The following RAB6B variants were observed in gnomAD, a reference collection of about 807,000 sequenced individuals.
The protein encoded by RAB6B is ras-related protein Rab-6B.
Under a neutral mutation model 31.2 loss-of-function variants are expected in RAB6B, and 7 were observed. The observed-to-expected ratio is 0.22, with a 90% CI of 0.13 to 0.42. The LOEUF is 0.42. Among genes scored for constraint, RAB6B ranks in the 10% least tolerant of loss-of-function variants. RAB6B has a pLI of 1.00. For synonymous variants in RAB6B, 105 were observed against 104.9 expected, an observed-to-expected ratio of 1.00 and a Z score of -0.01; for missense variants, 149 against 280.6, an observed-to-expected ratio of 0.53 and a Z score of 3.35.
chr3:133,860,817 G>A (rs991357261), intron 2 of RAB6B, among the ~76,000 whole-genome samples: 27 of 152,228 alleles, frequency 1.8e-4, no homozygotes, highest in African/African-American at 5.1e-4. Context: ...GGGACAGCCC[G>A]TTAAGTCAGT....
In RAB6B at chr3:133,829,320, A is replaced by G. The variant is rs186311924; in HGVS notation, c.563-468T>C. On this transcript the variant is annotated intron_variant, in intron 7 of 7. Transcript: ENST00000285208. ...AAACCCTTCAAGCTTTAGTCAGAAC[A>G]CATCACTTAGATCCTGAGGATGGTT... is the stretch of plus-strand genomic sequence containing the variant. Among the ~76,000 whole-genome samples, 74 of 152,310 alleles carry G rather than the reference A, an allele frequency of 4.9e-4. 2 individuals are homozygous for G. Among genetic ancestry groups the G allele is most frequent in the Admixed American group, 3.8e-3 (58 of 15,304 alleles).
At chr3:133,870,484 G>A (rs1936303821) in intron 1 of RAB6B, among the ~76,000 whole-genome samples, 1 of 152,194 alleles carries the variant, frequency 6.6e-6, no homozygotes, top group Non-Finnish European at 1.5e-5. Flanking sequence ...ACAATGCAGA[G>A]GTGGTGGGGC....
At chr3:133,876,418 A>T (rs928699001) in intron 1 of RAB6B, among the ~76,000 whole-genome samples, 12 of 152,226 alleles carry the variant, frequency 7.9e-5, no homozygotes, top group Non-Finnish European at 5.9e-5. Context: ...TAATACATTC[A>T]CTGCTTGCTC....
intron 2 of RAB6B, among the ~76,000 whole-genome samples, chr3:133,846,150 T>A (rs993618090): frequency 2.3e-4 from 35 of 152,084 alleles, no homozygotes; most frequent in African/African-American, 7.5e-4. Flanking sequence ...TGAGCTGACA[T>A]AAATGGCAAT....
intron 6 of RAB6B, among the ~76,000 whole-genome samples, chr3:133,836,949 G>A (rs1205064465): frequency 2.6e-5 from 4 of 152,170 alleles, no homozygotes; most frequent in Non-Finnish European, 1.5e-5. Flanking sequence ...GTCCACACAG[G>A]GCAAACCATC....
intron 2 of RAB6B, among the ~76,000 whole-genome samples, chr3:133,854,533 C>G (rs1936047564): frequency 6.6e-6 from 1 of 152,204 alleles, no homozygotes; most frequent in African/African-American, 2.4e-5. Flanking sequence ...CTGCACTCTG[C>G]TGGGATGAGA....
intron 6 of RAB6B, among the ~76,000 whole-genome samples, chr3:133,835,375 T>G (rs1471296017): frequency 1.3e-5 from 2 of 151,902 alleles, no homozygotes; most frequent in Non-Finnish European, 2.9e-5. Flanking sequence ...TGTGTGAACG[T>G]GTGGCATCTT....
intron 1 of RAB6B, among the ~76,000 whole-genome samples, chr3:133,873,546 G>A (rs764167334): frequency 2.0e-4 from 30 of 152,112 alleles, no homozygotes; most frequent in African/African-American, 5.1e-4. Flanking sequence ...AGGAGGGCTC[G>A]GCCCCCTCTC....
rs1263728747 is a variant in RAB6B at position 133,824,364 on chromosome 3, C to T, written c.*4424G>A. 3 of 152,178 alleles carry T rather than the reference C, an allele frequency of 2.0e-5. No individual in the cohort carries two copies. Among genetic ancestry groups the T allele is most frequent in the Non-Finnish European group, 2.9e-5 (2 of 68,046 alleles). 9.4% of individuals were successfully genotyped at this position (152,178 alleles called of 1,614,324 possible). A position where few individuals can be genotyped will look rare whatever the true frequency, so the allele number is the denominator to read the frequency against. ...AGCCCATAACAGATGGAATTGCCACCCTCTGTGCTCCTCACAGCCAATCAC... is the reference window on the plus strand; with the variant it reads ...AGCCCATAACAGATGGAATTGCCACTCTCTGTGCTCCTCACAGCCAATCAC... On this transcript the variant is annotated 3_prime_UTR_variant, in exon 8 of 8. Coordinates refer to ENST00000285208, the MANE Select transcript of RAB6B (RefSeq NM_016577.4).
intron 5 of RAB6B, 150 bp from the exon 6 acceptor site, chr3:133,838,409 G>A (rs1456450535): frequency 9.8e-6 from 7 of 711,704 alleles, no homozygotes; most frequent in Non-Finnish European, 1.7e-5. Context: ...TCCCTCCCGG[G>A]CACCAACCAC....
chr3:133,895,171 C>T (rs908462561), intron 1 of RAB6B, among the ~76,000 whole-genome samples: 11 of 152,164 alleles, frequency 7.2e-5, no homozygotes, highest in African/African-American at 2.7e-4. Context: ...GGGCCCCCCA[C>T]CCAGAGCCCA....
Position 133,824,291 on chromosome 3 carries a change from C to T in RAB6B, c.*4497G>A, listed in dbSNP as rs2107980173. On this transcript the variant is annotated 3_prime_UTR_variant, in exon 8 of 8. Transcript: ENST00000285208. ...TGACCAACATGCTGAGTCTTTTCCA[C>T]ATTTTACACAGTTTAATGTGAAATC... The T allele has an allele frequency of 6.6e-6, 1 of 152,356 alleles. No individual in the cohort carries two copies. The highest frequency in any genetic ancestry group is 2.4e-5 in the African/African-American group (1 of 41,574). 9.4% of individuals were successfully genotyped at this position (152,356 alleles called of 1,614,324 possible). A position where few individuals can be genotyped will look rare whatever the true frequency, so the allele number is the denominator to read the frequency against.
intron 2 of RAB6B, 31 bp from the exon 3 acceptor site, chr3:133,841,694 T>G (rs776142389): frequency 1.3e-5 from 21 of 1,610,838 alleles, no homozygotes; most frequent in Non-Finnish European, 1.7e-5. Flanking sequence ...ACGGTCAAAA[T>G]CAAAAGGTCT....
intron 4 of RAB6B, 138 bp downstream of exon 4, chr3:133,841,147 A>G (rs1935822595): frequency 1.3e-6 from 1 of 768,488 alleles, no homozygotes; most frequent in Admixed American, 2.3e-5. Context: ...GCCTTTCTGC[A>G]TTCAGGGAGC....
At chr3:133,861,324 T>C (rs903651804) in intron 2 of RAB6B, among the ~76,000 whole-genome samples, 2 of 152,204 alleles carry the variant, frequency 1.3e-5, no homozygotes, top group Admixed American at 1.3e-4. Context: ...GGGCAGGGTG[T>C]TGAGAGGCCA....
At chr3:133,883,639 T>C (rs1220067619) in intron 1 of RAB6B, among the ~76,000 whole-genome samples, 1 of 152,224 alleles carries the variant, frequency 6.6e-6, no homozygotes, top group Non-Finnish European at 1.5e-5. Context: ...CCCTCCTCTT[T>C]TACTGAACAG....
chr3:133,841,274 G>A lies in RAB6B; in HGVS notation c.289+11C>T, dbSNP rs1576395238. 1 of 1,613,872 alleles carries A rather than the reference G, an allele frequency of 6.2e-7. No homozygotes were observed. Among genetic ancestry groups the A allele is most frequent in the Non-Finnish European group, 8.5e-7 (1 of 1,179,804 alleles). ...TGAGCCACCCTCCCTTAGGAGCAGA[G>A]CCTCACTCACTTGTGATGTCGTACA... On this transcript the variant is annotated intron_variant, in intron 4 of 7. Transcript: ENST00000285208.
At chr3:133,847,951 G>A (rs1343647186) in intron 2 of RAB6B, among the ~76,000 whole-genome samples, 1 of 151,902 alleles carries the variant, frequency 6.6e-6, no homozygotes, top group Middle Eastern at 3.4e-3. Context: ...CCACTGTTTT[G>A]TTTCAGAGGG....
At position 133,825,948 on chromosome 3, in the gene RAB6B, ACAT is replaced by A. The variant is rs1935555368; in HGVS notation, c.*2837_*2839del. 1 of 152,254 alleles carries A rather than the reference ACAT, an allele frequency of 6.6e-6. No homozygotes were observed. Among genetic ancestry groups the A allele is most frequent in the African/African-American group, 2.4e-5 (1 of 41,456 alleles). The allele number at this position is 152,254 out of a possible 1,614,324, so 9.4% of individuals were successfully genotyped here. A position where few individuals can be genotyped will look rare whatever the true frequency, so the allele number is the denominator to read the frequency against. ...GCTGGGGTGCTGAGGCAATGCCATG[ACAT>A]CTTCTTCAAGAGCACCTAACAGTTT... On this transcript the variant is annotated 3_prime_UTR_variant, in exon 8 of 8. Transcript: ENST00000285208.
Sources: gnomAD v4.1 joint callset for allele counts (sites outside exome capture counted in the v4.1 genomes callset) on GRCh38, gnomAD v4.1.1 for gene constraint, MANE v1.5 for transcripts, NCBI Gene and HGNC (gene_info 2026-07-23, HGNC 2026-07-21) for gene names.